Variants in SCRG1 observed in about 807,000 individuals in gnomAD.
The protein encoded by SCRG1 is stimulator of chondrogenesis 1.
In SCRG1, 3 loss-of-function variants were observed where a neutral mutation model predicts 7.7. The observed-to-expected ratio is 0.39, with a 90% CI of 0.18 to 1.01. The LOEUF is 1.01. SCRG1 is among the 50% of genes least tolerant of loss of function. The pLI is 0.36. For missense variants in SCRG1, 110 were observed against 117.2 expected (o/e 0.94, Z 0.28); for synonymous variants, 46 against 41.2 (o/e 1.12, Z -0.44).
the SCRG1 span, among the ~76,000 whole-genome samples, chr4:173,476,938 T>C: frequency 6.6e-6 from 1 of 152,208 alleles, no homozygotes; most frequent in Non-Finnish European, 1.5e-5. Flanking sequence ...TTTTTTCACA[T>C]GTATGAGATT....
At chr4:173,402,916 G>T (rs918290559), upstream of SCRG1, among the ~76,000 whole-genome samples, 1 of 152,182 alleles carries the variant, frequency 6.6e-6, no homozygotes, top group African/African-American at 2.4e-5. Flanking sequence ...GATGAACTGC[G>T]ACAAAATCAC....
chr4:173,429,044 T>C, the SCRG1 span, among the ~76,000 whole-genome samples: 1 of 152,216 alleles, frequency 6.6e-6, no homozygotes, highest in Non-Finnish European at 1.5e-5. Context: ...ATTTTGGTGT[T>C]GTAAAGACAT....
chr4:173,391,545 C>A (rs1304662398), intron 1 of SCRG1, 117 bp from the exon 2 acceptor site: 11 of 970,742 alleles, frequency 1.1e-5, no homozygotes, highest in African/African-American at 1.6e-5. Flanking sequence ...GGGAGTTGGG[C>A]TTTTCTACAA....
At chr4:173,444,335 C>A in the SCRG1 span, among the ~76,000 whole-genome samples, 1 of 152,150 alleles carries the variant, frequency 6.6e-6, no homozygotes, top group Non-Finnish European at 1.5e-5. Flanking sequence ...GACTTGTCAT[C>A]ATCTATTCTT....
chr4:173,472,607 G>C, the SCRG1 span, among the ~76,000 whole-genome samples: 10 of 152,218 alleles, frequency 6.6e-5, no homozygotes, highest in African/African-American at 2.2e-4. Context: ...AAGAGCTGAT[G>C]TTTTAGTGTG....
At chr4:173,471,210 T>C in the SCRG1 span, among the ~76,000 whole-genome samples, 1 of 152,342 alleles carries the variant, frequency 6.6e-6, no homozygotes, top group East Asian at 1.9e-4. Flanking sequence ...AATCATTCTG[T>C]ATAATGGCAA....
Position 173,388,044 on chromosome 4 carries a change from T to C in SCRG1, c.*297A>G, listed in dbSNP as rs955010008. The C allele has an allele frequency of 3.5e-6, 1 of 283,154 alleles. No individual in the cohort carries two copies. The highest frequency in any genetic ancestry group is 2.2e-5 in the African/African-American group (1 of 45,866). 17.5% of individuals were successfully genotyped at this position (283,154 alleles called of 1,614,324 possible). On this transcript the variant is annotated 3_prime_UTR_variant, in exon 3 of 3. Transcript: ENST00000296506. ...GAAAGTATTTTCAATCCTTGAGCCA[T>C]GCCTATGGCTCTTCATCTGGGGGAC...
At chr4:173,416,853 G>A in the SCRG1 span, among the ~76,000 whole-genome samples, 1 of 149,444 alleles carries the variant, frequency 6.7e-6, no homozygotes, top group African/African-American at 2.5e-5. Context: ...CACATAAGAA[G>A]AAAATAGAAA....
At chr4:173,438,219 G>A in the SCRG1 span, among the ~76,000 whole-genome samples, 1 of 152,086 alleles carries the variant, frequency 6.6e-6, no homozygotes, top group Non-Finnish European at 1.5e-5. Flanking sequence ...GGGCTCAGGT[G>A]ATTCTCCTAC....
At chr4:173,479,798 AATT>A in the SCRG1 span, among the ~76,000 whole-genome samples, 1 of 151,866 alleles carries the variant, frequency 6.6e-6, no homozygotes, top group Non-Finnish European at 1.5e-5. Flanking sequence ...CATGGCACCA[AATT>A]ATCACCCCAG....
chr4:173,449,104 G>A, the SCRG1 span, among the ~76,000 whole-genome samples: 9 of 152,314 alleles, frequency 5.9e-5, no homozygotes, highest in South Asian at 2.1e-4. Flanking sequence ...TTCAGTGGTC[G>A]TTTAGGCAAT....
chr4:173,497,674 T>G, the SCRG1 span, among the ~76,000 whole-genome samples: 1 of 6,646 alleles, frequency 1.5e-4, no homozygotes, highest in South Asian at 0.12. Flanking sequence ...AAACTTACTC[T>G]TTTTTTTTTT....
chr4:173,517,919 G>A, the SCRG1 span, among the ~76,000 whole-genome samples: 1 of 152,220 alleles, frequency 6.6e-6, no homozygotes, highest in Non-Finnish European at 1.5e-5. Flanking sequence ...CGAGTGAGGA[G>A]CTCCTCCCGG....
chr4:173,407,491 C>T (rs906439891), upstream of SCRG1, among the ~76,000 whole-genome samples: 5 of 148,592 alleles, frequency 3.4e-5, no homozygotes, highest in East Asian at 2.0e-4. Context: ...GCCGAGATAG[C>T]GCCACTGTAC....
the SCRG1 span, among the ~76,000 whole-genome samples, chr4:173,515,127 G>A: frequency 6.6e-6 from 1 of 152,138 alleles, no homozygotes; most frequent in Non-Finnish European, 1.5e-5. The surrounding 1 kb of genome is among the most constrained non-coding windows in gnomAD (Gnocchi z 4.6). Context: ...GGAAACGGTG[G>A]GGCAGGAAGG....
the SCRG1 span, among the ~76,000 whole-genome samples, chr4:173,417,196 T>G: frequency 6.6e-6 from 1 of 152,076 alleles, no homozygotes; most frequent in Non-Finnish European, 1.5e-5. Flanking sequence ...TAGTTGTTAT[T>G]TAGCGCCACC....
At chr4:173,437,304 A>G in the SCRG1 span, among the ~76,000 whole-genome samples, 1 of 152,186 alleles carries the variant, frequency 6.6e-6, no homozygotes, top group Non-Finnish European at 1.5e-5. Flanking sequence ...AAAACAAAAC[A>G]GTGTGGGCAT....
chr4:173,421,222 T>C, the SCRG1 span, among the ~76,000 whole-genome samples: 114 of 152,326 alleles, frequency 7.5e-4, no homozygotes, highest in Non-Finnish European at 1.2e-3. Flanking sequence ...GAAGAAAATG[T>C]ACTTTATTGA....
At chr4:173,402,455 A>T (rs201025188), upstream of SCRG1, among the ~76,000 whole-genome samples, 19 of 752 alleles carry the variant, frequency 0.025, no homozygotes, top group Middle Eastern at 0.5. Flanking sequence ...ATTTCTTTTT[A>T]AAAAAAAAAA....
Sources: allele counts gnomAD v4.1 joint callset (sites outside exome capture counted in the v4.1 genomes callset), GRCh38; gene constraint gnomAD v4.1.1; non-coding constraint Gnocchi (gnomAD v3.1); transcripts MANE v1.5; gene names NCBI Gene and HGNC (gene_info 2026-07-23, HGNC 2026-07-21).